CADM2: variants seen among roughly 807,000 people sequenced by gnomAD.
CADM2 encodes the protein immunoglobulin superfamily member 4D.
A neutral mutation model predicts 49.8 loss-of-function variants in CADM2; 12 were observed. The ratio of observed to expected loss-of-function variants is 0.24; its 90% CI spans 0.15 to 0.39. The LOEUF (loss-of-function observed/expected upper bound fraction) is 0.39, where lower values mean the gene tolerates loss of function less well. Among genes scored for constraint, CADM2 ranks in the 10% least tolerant of loss-of-function variants. CADM2 has a pLI of 1.00. For missense variants in CADM2, 378 were observed against 492.3 expected (o/e 0.77, Z 2.20); for synonymous variants, 214 against 175.4 (o/e 1.22, Z -1.74).
chr3:85,767,076 C>T (rs1315408608), intron 2 of CADM2, among the ~76,000 whole-genome samples: 4 of 152,176 alleles, frequency 2.6e-5, no homozygotes, highest in African/African-American at 9.7e-5. Flanking sequence ...ATTCAATACA[C>T]TTTACCCAAA....
intron 1 of CADM2, among the ~76,000 whole-genome samples, chr3:85,365,106 T>G (rs2032654677): frequency 6.6e-6 from 1 of 152,000 alleles, no homozygotes; most frequent in African/African-American, 2.4e-5. Context: ...TTTAAAAATA[T>G]TTTGTATGAT....
chr3:85,265,400 A>G (rs977752739), intron 1 of CADM2, among the ~76,000 whole-genome samples: 3 of 152,038 alleles, frequency 2.0e-5, no homozygotes, highest in Non-Finnish European at 2.9e-5. Context: ...CTAGAGGCTG[A>G]GAAGCCCAGG....
At chr3:85,100,332 A>ATTATTTCTGGCG (rs1324147449) in intron 1 of CADM2, among the ~76,000 whole-genome samples, 1 of 152,238 alleles carries the variant, frequency 6.6e-6, no homozygotes, top group Non-Finnish European at 1.5e-5. Context: ...AGGGCAGAAC[A>ATTATTTCTGGCG]TGCTTTCAAG....
intron 1 of CADM2, among the ~76,000 whole-genome samples, chr3:85,041,986 C>T (rs571692649): frequency 6.6e-6 from 1 of 152,300 alleles, no homozygotes; most frequent in East Asian, 1.9e-4. Context: ...AGAAAAAAGG[C>T]TTGTTTCACA....
chr3:85,941,050 G>A (rs1198753803), intron 7 of CADM2, among the ~76,000 whole-genome samples: 1 of 151,928 alleles, frequency 6.6e-6, no homozygotes, highest in African/African-American at 2.4e-5. Flanking sequence ...TTACATTAGG[G>A]TTCACTCTTA....
chr3:85,401,931 C>T (rs958134596), intron 1 of CADM2, among the ~76,000 whole-genome samples: 3 of 152,060 alleles, frequency 2.0e-5, no homozygotes, highest in Non-Finnish European at 2.9e-5. Context: ...TTGGATTTTT[C>T]TTTTTATAGT....
At chr3:85,716,754 A>C (rs973747905) in intron 1 of CADM2, among the ~76,000 whole-genome samples, 1 of 152,182 alleles carries the variant, frequency 6.6e-6, no homozygotes, top group Non-Finnish European at 1.5e-5. Context: ...TAAATGGGGA[A>C]TCCTTTCCCC....
intron 1 of CADM2, among the ~76,000 whole-genome samples, chr3:85,341,988 C>A (rs946160083): frequency 9.2e-5 from 14 of 152,026 alleles, no homozygotes; most frequent in Non-Finnish European, 2.1e-4. Context: ...AAAGCAATGG[C>A]AACAAAAGCC....
chr3:86,049,513 G>A (rs1171926480), intron 8 of CADM2, among the ~76,000 whole-genome samples: 6 of 151,886 alleles, frequency 4.0e-5, no homozygotes, highest in Admixed American at 6.6e-5. Context: ...TGACCTCCTC[G>A]GCCTCCCAAA....
At chr3:85,469,655 G>T (rs999348628) in intron 1 of CADM2, among the ~76,000 whole-genome samples, 1 of 152,306 alleles carries the variant, frequency 6.6e-6, no homozygotes, top group African/African-American at 2.4e-5. Context: ...ATTCAGGGCA[G>T]AGCTGAAGTG....
At chr3:85,635,103 G>T (rs1478593649) in intron 1 of CADM2, among the ~76,000 whole-genome samples, 1 of 151,976 alleles carries the variant, frequency 6.6e-6, no homozygotes, top group Non-Finnish European at 1.5e-5. Context: ...AAATGAAAGG[G>T]ATTAGTGGAT....
chr3:85,826,478 C>A (rs527305620), intron 3 of CADM2, among the ~76,000 whole-genome samples: 201 of 151,964 alleles, frequency 1.3e-3, no homozygotes, highest in African/African-American at 4.5e-3. Flanking sequence ...ATTTTTATCA[C>A]TTTTTTTATG....
intron 1 of CADM2, among the ~76,000 whole-genome samples, chr3:85,699,433 G>A (rs919223559): frequency 6.6e-6 from 1 of 152,202 alleles, no homozygotes; most frequent in Non-Finnish European, 1.5e-5. Context: ...CCTGAAGCAG[G>A]CTTCTGCTTA....
In CADM2 at chr3:85,797,593, CT is replaced by C. The variant is rs533614302; in HGVS notation, c.89-4447del. Among the ~76,000 whole-genome samples, 128 of 152,172 alleles carry C rather than the reference CT, an allele frequency of 8.4e-4. 1 individual carries two copies. Among genetic ancestry groups the C allele is most frequent in the Admixed American group, 1.3e-3 (20 of 15,290 alleles). ...TCCCTGCAAAGGACATGAACTCATC[CT>C]TTTTTTATGGCTGCATAGTATTCCA... On this transcript the variant is annotated intron_variant, in intron 2 of 9. Transcript: ENST00000383699.
chr3:85,222,980 G>A (rs887959218), intron 1 of CADM2, among the ~76,000 whole-genome samples: 10 of 151,868 alleles, frequency 6.6e-5, no homozygotes, highest in East Asian at 1.9e-4. Context: ...AACTACTATC[G>A]AACTTAAAAT....
At chr3:85,604,537 C>A (rs561338564) in intron 1 of CADM2, among the ~76,000 whole-genome samples, 2 of 152,070 alleles carry the variant, frequency 1.3e-5, no homozygotes, top group South Asian at 2.1e-4. Flanking sequence ...TTGAATCTTA[C>A]AATTGCTACA....
intron 1 of CADM2, among the ~76,000 whole-genome samples, chr3:85,654,955 C>T (rs2065152549): frequency 6.6e-6 from 1 of 152,072 alleles, no homozygotes; most frequent in African/African-American, 2.4e-5. Context: ...ATAATTAATT[C>T]CCAGCATTTT....
intron 8 of CADM2, among the ~76,000 whole-genome samples, chr3:86,003,997 C>T (rs753972645): frequency 6.6e-6 from 1 of 151,868 alleles, no homozygotes; most frequent in Non-Finnish European, 1.5e-5. Context: ...GCCAATGGCT[C>T]CAAATAAAGT....
At chr3:85,412,906 C>G (rs1317164341) in intron 1 of CADM2, among the ~76,000 whole-genome samples, 1 of 151,404 alleles carries the variant, frequency 6.6e-6, no homozygotes, top group Non-Finnish European at 1.5e-5. Context: ...CATTGGGAGG[C>G]CGAGGCGGGC....
Sources: allele counts gnomAD v4.1 joint callset (sites outside exome capture counted in the v4.1 genomes callset), GRCh38; gene constraint gnomAD v4.1.1; transcripts MANE v1.5; gene names NCBI Gene and HGNC (gene_info 2026-07-23, HGNC 2026-07-21).